The following LYPD6B variants were observed in gnomAD, a reference collection of about 807,000 sequenced individuals.
The protein encoded by LYPD6B is ly6/PLAUR domain-containing protein 6B.
A neutral mutation model predicts 22.8 loss-of-function variants in LYPD6B; 17 were observed. That is an observed-to-expected ratio of 0.75 (90% CI 0.51 to 1.12). The LOEUF is 1.12. LYPD6B is among the 50% of genes most tolerant of loss of function. LYPD6B has a pLI of 0.00. For missense variants in LYPD6B, 221 were observed against 258.3 expected, an observed-to-expected ratio of 0.86 and a Z score of 0.99; for synonymous variants, 106 against 91.6, an observed-to-expected ratio of 1.16 and a Z score of -0.90.
At chr2:149,131,413 T>C (rs1054456907) in intron 2 of LYPD6B, 2 of 152,854 alleles carry the variant, frequency 1.3e-5, no homozygotes, top group African/African-American at 4.9e-5. Flanking sequence ...TCCTTAGTTG[T>C]ACTGGCAGGA....
intron 2 of LYPD6B, among the ~76,000 whole-genome samples, chr2:149,154,870 G>A (rs1689602118): frequency 1.3e-5 from 2 of 152,138 alleles, no homozygotes; most frequent in Admixed American, 6.5e-5. Context: ...AAGATAATAT[G>A]ATTCCATATG....
chr2:149,203,076 A>G (rs74802239), intron 3 of LYPD6B, among the ~76,000 whole-genome samples: 8,603 of 152,276 alleles, frequency 0.056, 373 homozygotes, highest in Non-Finnish European at 0.087. Flanking sequence ...TGCTCAGCAC[A>G]TGCACTCAGC....
intron 3 of LYPD6B, among the ~76,000 whole-genome samples, chr2:149,182,407 C>A (rs1329100239): frequency 6.6e-6 from 1 of 152,200 alleles, no homozygotes; most frequent in Non-Finnish European, 1.5e-5. Context: ...TGATATCCTC[C>A]AACACCTACT....
chr2:149,097,016 T>A (rs537206416), intron 1 of LYPD6B, among the ~76,000 whole-genome samples: 1 of 152,370 alleles, frequency 6.6e-6, no homozygotes, highest in East Asian at 1.9e-4. Flanking sequence ...TGCTTGCCTA[T>A]TTCAGTTTCT....
At chr2:149,062,775 C>CA (rs1439879481) in intron 1 of LYPD6B, among the ~76,000 whole-genome samples, 1 of 150,852 alleles carries the variant, frequency 6.6e-6, no homozygotes, top group Non-Finnish European at 1.5e-5. Context: ...TCCTGTGCTT[C>CA]AGGGTGTGAA....
chr2:149,097,176 C>T (rs1157888812), intron 1 of LYPD6B, among the ~76,000 whole-genome samples: 2 of 152,258 alleles, frequency 1.3e-5, no homozygotes, highest in African/African-American at 4.8e-5. Flanking sequence ...TCTGCGCCTG[C>T]CCTGCACCGC....
intron 1 of LYPD6B, among the ~76,000 whole-genome samples, chr2:149,118,770 G>A (rs12474623): frequency 0.17 from 26,532 of 152,068 alleles, 2,951 homozygotes; most frequent in Non-Finnish European, 0.25. Context: ...ATTTATTCAA[G>A]ATCATGTAGT....
At chr2:149,124,402 G>A (rs1048311987) in intron 1 of LYPD6B, among the ~76,000 whole-genome samples, 5 of 152,296 alleles carry the variant, frequency 3.3e-5, no homozygotes, top group Admixed American at 2.6e-4. Flanking sequence ...CCCACGTAAA[G>A]GTGTGTTTAG....
Position 149,189,359 on chromosome 2 carries a change from T to C in LYPD6B, c.78-15894T>C, listed in dbSNP as rs2377504. 1.2e-3 allele frequency among the ~76,000 whole-genome samples: 100 copies of C among 86,714 alleles called. 5 individuals carry two copies. The highest frequency in any genetic ancestry group is 2.3e-3 in the Admixed American group (18 of 7,850). The allele number at this position is 86,714 out of a possible 152,430, so 56.9% of individuals were successfully genotyped here. A position where few individuals can be genotyped will look rare whatever the true frequency, so the allele number is the denominator to read the frequency against. ...GTCCAAAATTATATATATATATATA[T>C]ATATATATACACACACATATGTATA... On this transcript the variant is annotated intron_variant, in intron 3 of 6. Transcript: ENST00000409642.
chr2:149,077,548 T>G (rs1399070834), intron 1 of LYPD6B: 2 of 152,240 alleles, frequency 1.3e-5, no homozygotes, highest in African/African-American at 4.8e-5. Flanking sequence ...CTTCAGAGTG[T>G]TTGTTTTCAG....
chr2:149,208,480 G>A (rs1693641775), intron 5 of LYPD6B, 68 bp downstream of exon 5: 4 of 1,234,834 alleles, frequency 3.2e-6, no homozygotes, highest in East Asian at 2.3e-5. Flanking sequence ...ACTTGATGAT[G>A]TTCTTTAGGA....
chr2:149,191,606 G>A (rs1427071968), intron 3 of LYPD6B, among the ~76,000 whole-genome samples: 1 of 152,028 alleles, frequency 6.6e-6, no homozygotes, highest in Non-Finnish European at 1.5e-5. Flanking sequence ...TTCACTATTA[G>A]GACTAGTCAT....
At chr2:149,121,252 C>T (rs1449154889) in intron 1 of LYPD6B, among the ~76,000 whole-genome samples, 2 of 151,958 alleles carry the variant, frequency 1.3e-5, no homozygotes, top group Non-Finnish European at 2.9e-5. Flanking sequence ...TTTTTATTTC[C>T]TAAGGTATTG....
Position 149,130,877 on chromosome 2 carries a change from G to A in LYPD6B, c.-66-6G>A. On this transcript the variant is annotated splice_polypyrimidine_tract_variant and splice_region_variant and intron_variant, in intron 1 of 6. Coordinates refer to ENST00000409642, the MANE Select transcript of LYPD6B (RefSeq NM_177964.5). Reference sequence around the variant, plus strand: ...TAATGATACCTTTTCATGTTCATTTGTTTAGATATGCCACACTTCTGCCTG... The same window carrying A: ...TAATGATACCTTTTCATGTTCATTTATTTAGATATGCCACACTTCTGCCTG... The A allele has an allele frequency of 8.8e-7, 1 of 1,131,478 alleles. No homozygotes were observed. The highest frequency in any genetic ancestry group is 1.3e-6 in the Non-Finnish European group (1 of 745,712). The allele number at this position is 1,131,478 out of a possible 1,614,324, so 70.1% of individuals were successfully genotyped here. A position where few individuals can be genotyped will look rare whatever the true frequency, so the allele number is the denominator to read the frequency against.
chr2:149,105,257 A>G (rs536528625), intron 1 of LYPD6B, among the ~76,000 whole-genome samples: 2 of 152,260 alleles, frequency 1.3e-5, no homozygotes, highest in Admixed American at 1.3e-4. Flanking sequence ...GATAAGTCTT[A>G]AAATCAAGTG....
chr2:149,175,445 T>G (rs1021343408), intron 3 of LYPD6B, among the ~76,000 whole-genome samples: 1 of 151,978 alleles, frequency 6.6e-6, no homozygotes, highest in African/African-American at 2.4e-5. Flanking sequence ...GGTGAGTGAG[T>G]GAGTGGTAAG....
intron 1 of LYPD6B, among the ~76,000 whole-genome samples, chr2:149,069,667 G>C (rs1373071990): frequency 6.6e-6 from 1 of 151,990 alleles, no homozygotes; most frequent in Non-Finnish European, 1.5e-5. Flanking sequence ...AGTCCCTGTG[G>C]TAAATTTCAA....
chr2:149,189,369 C>CATATACAT (rs59507620), intron 3 of LYPD6B, among the ~76,000 whole-genome samples: 2 of 91,666 alleles, frequency 2.2e-5, no homozygotes, highest in Non-Finnish European at 4.1e-5. Flanking sequence ...TATATATATA[C>CATATACAT]ACACACATAT....
chr2:149,049,357 G>GCA (rs144024995), intron 1 of LYPD6B, among the ~76,000 whole-genome samples: 55 of 151,286 alleles, frequency 3.6e-4, no homozygotes, highest in Admixed American at 1.5e-3. Flanking sequence ...GCATGCACAT[G>GCA]CACACACACA....
Sources: gnomAD v4.1 joint callset for allele counts (sites outside exome capture counted in the v4.1 genomes callset) on GRCh38, gnomAD v4.1.1 for gene constraint, MANE v1.5 for transcripts, NCBI Gene and HGNC (gene_info 2026-07-23, HGNC 2026-07-21) for gene names.